Variants in ERC1 observed in about 807,000 individuals in gnomAD.
ERC1 encodes the protein ELKS/RAB6-interacting/CAST family member 1, also known as RAB6 interacting protein 2.
A neutral mutation model predicts 132.0 loss-of-function variants in ERC1; 56 were observed. That is an observed-to-expected ratio of 0.42 (90% CI 0.34 to 0.53). The LOEUF is 0.53. Ranked by LOEUF, ERC1 falls within the 20% of genes least tolerant of loss-of-function variation. ERC1 has a pLI of 0.03. For synonymous variants in ERC1, 478 were observed against 476.1 expected (o/e 1.00, Z -0.05); for missense variants, 1,202 against 1,349.9 (o/e 0.89, Z 1.72).
intron 8 of ERC1, among the ~76,000 whole-genome samples, chr12:1,175,720 A>G (rs1186549038): frequency 6.6e-6 from 1 of 151,996 alleles, no homozygotes; most frequent in African/African-American, 2.4e-5. Flanking sequence ...TTTTCAGTAG[A>G]GACAGCGTTT....
intron 15 of ERC1, among the ~76,000 whole-genome samples, chr12:1,351,694 A>G (rs74410239): frequency 0.012 from 1,836 of 152,156 alleles, 36 homozygotes; most frequent in African/African-American, 0.042. Context: ...TTTTTAATTG[A>G]TACAACATAA....
chr12:1,055,919 G>A (rs1483070468), intron 2 of ERC1, among the ~76,000 whole-genome samples: 2 of 152,050 alleles, frequency 1.3e-5, no homozygotes, highest in Admixed American at 6.6e-5. Flanking sequence ...CCCATGGCGG[G>A]AGAATTGCTT....
chr12:1,455,073 T>C (rs567644185), intron 18 of ERC1, among the ~76,000 whole-genome samples: 8 of 152,262 alleles, frequency 5.3e-5, no homozygotes, highest in African/African-American at 7.2e-5. Context: ...AAAAAGGTTT[T>C]ATTAAATTCA....
intron 8 of ERC1, among the ~76,000 whole-genome samples, chr12:1,159,487 G>A (rs560505004): frequency 1.2e-4 from 18 of 152,306 alleles, no homozygotes; most frequent in African/African-American, 4.3e-4. Flanking sequence ...GCCACAGACC[G>A]GCACTGGTCC....
chr12:1,452,925 C>CTT (rs1422085677), intron 18 of ERC1, among the ~76,000 whole-genome samples: 1 of 152,190 alleles, frequency 6.6e-6, no homozygotes, highest in Non-Finnish European at 1.5e-5. Context: ...AGGCCTTGAG[C>CTT]TTTTCAGTGG....
intron 15 of ERC1, among the ~76,000 whole-genome samples, chr12:1,359,693 G>C (rs1413192475): frequency 6.6e-6 from 1 of 152,194 alleles, no homozygotes; most frequent in African/African-American, 2.4e-5. Flanking sequence ...TACAAAGGCA[G>C]TTAAATTTCA....
At chr12:1,367,434 A>G (rs2086766645) in intron 15 of ERC1, among the ~76,000 whole-genome samples, 1 of 152,214 alleles carries the variant, frequency 6.6e-6, no homozygotes, top group Admixed American at 6.5e-5. Flanking sequence ...AACCTTGGTA[A>G]CAGCCCTTCA....
At chr12:1,398,224 TC>T (rs1194770451) in intron 16 of ERC1, among the ~76,000 whole-genome samples, 1 of 152,092 alleles carries the variant, frequency 6.6e-6, no homozygotes, top group African/African-American at 2.4e-5. Context: ...GCTCAAGTGA[TC>T]CTCCCTCCTC....
chr12:1,400,158 GGCTTTGATAC>G (rs1466349239), intron 16 of ERC1, among the ~76,000 whole-genome samples: 1 of 152,076 alleles, frequency 6.6e-6, no homozygotes, highest in African/African-American at 2.4e-5. Context: ...AGATCACTGT[GGCTTTGATAC>G]GCATTTCCCT....
intron 12 of ERC1, among the ~76,000 whole-genome samples, chr12:1,193,882 A>G (rs543473397): frequency 6.6e-6 from 1 of 152,320 alleles, no homozygotes; most frequent in African/African-American, 2.4e-5. Context: ...TTAATATTTG[A>G]TGGAATAACT....
chr12:1,011,056 TA>T (rs1265223626), intron 1 of ERC1, among the ~76,000 whole-genome samples: 1 of 152,210 alleles, frequency 6.6e-6, no homozygotes, highest in Admixed American at 6.5e-5. Context: ...TGAAAAATTT[TA>T]TATGTGCCAA....
intron 1 of ERC1, among the ~76,000 whole-genome samples, chr12:1,006,420 CAG>C (rs1023590655): frequency 6.6e-6 from 1 of 152,046 alleles, no homozygotes; most frequent in African/African-American, 2.4e-5. Context: ...GTTTTTGAGA[CAG>C]AGTGTTACTC....
intron 17 of ERC1, among the ~76,000 whole-genome samples, chr12:1,440,667 T>TGTGTGTGTGTGTGTGTGTGA (rs2093123292): frequency 9.8e-6 from 1 of 101,726 alleles, no homozygotes; most frequent in Admixed American, 1.0e-4. Flanking sequence ...TGTGTGTGTG[T>TGTGTGTGTGTGTGTGTGTGA]GATGGAGTCT....
Position 1,495,608 on chromosome 12 carries a change from CCTGTGACTG to C in ERC1, c.*5381_*5389del, listed in dbSNP as rs1236550395. The C allele has an allele frequency of 3.5e-5, 8 of 227,452 alleles. No individual in the cohort carries two copies. Among genetic ancestry groups the C allele is most frequent in the Non-Finnish European group, 7.0e-5 (8 of 114,440 alleles). The allele number at this position is 227,452 out of a possible 1,614,324, so 14.1% of individuals were successfully genotyped here. On this transcript the variant is annotated 3_prime_UTR_variant, in exon 19 of 19. Coordinates refer to ENST00000360905, the MANE Select transcript of ERC1 (RefSeq NM_178040.4). ...GGGCATTGCAGGATATCCAGTGGGG[CCTGTGACTG>C]CTCCCTGATGCGTCAGAAGAGAAGT... is the stretch of plus-strand genomic sequence containing the variant.
rs531840902 is a variant in ERC1 at position 992,575 on chromosome 12, T to C, written c.-157+1253T>C. On this transcript the variant is annotated intron_variant, in intron 1 of 18. Coordinates refer to ENST00000360905, the MANE Select transcript of ERC1 (RefSeq NM_178040.4). ...TAGGCTCCTCAATTTCTGAGAAATG[T>C]TCTTGGAGTCAAGTGCTTTAAAAAC... 5.3e-5 allele frequency among the ~76,000 whole-genome samples: 8 copies of C among 152,330 alleles called. No individual in the cohort carries two copies. The East Asian group carries it at 1.5e-3, about 29-fold the overall frequency.
chr12:1,067,418 T>G (rs1939417773), intron 2 of ERC1, among the ~76,000 whole-genome samples: 1 of 152,178 alleles, frequency 6.6e-6, no homozygotes, highest in Admixed American at 6.5e-5. Flanking sequence ...GGAGATTACT[T>G]GGATAGCACT....
intron 16 of ERC1, among the ~76,000 whole-genome samples, chr12:1,394,139 A>C (rs993490687): frequency 1.3e-5 from 2 of 149,998 alleles, no homozygotes; most frequent in African/African-American, 4.9e-5. Flanking sequence ...AGTGGCTCAC[A>C]CCTGTAATCC....
chr12:1,040,783 T>C (rs759801276), intron 2 of ERC1, among the ~76,000 whole-genome samples: 35 of 152,326 alleles, frequency 2.3e-4, no homozygotes, highest in Non-Finnish European at 3.2e-4. Flanking sequence ...ACTTGCTTAA[T>C]TTCATATGTG....
intron 18 of ERC1, among the ~76,000 whole-genome samples, chr12:1,458,116 A>G (rs922508518): frequency 6.6e-6 from 1 of 152,204 alleles, no homozygotes; most frequent in African/African-American, 2.4e-5. Flanking sequence ...TGGCAGGACC[A>G]TGGATTCTGC....
Sources: allele counts gnomAD v4.1 joint callset (sites outside exome capture counted in the v4.1 genomes callset), GRCh38; gene constraint gnomAD v4.1.1; transcripts MANE v1.5; gene names NCBI Gene and HGNC (gene_info 2026-07-23, HGNC 2026-07-21).